DAP: variants seen among roughly 807,000 people sequenced by gnomAD.
DAP encodes death associated protein, also known as death-associated protein 1.
Under a neutral mutation model 13.8 loss-of-function variants are expected in DAP, and 8 were observed. That is an observed-to-expected ratio of 0.58 (90% confidence interval 0.34 to 1.05). The LOEUF (loss-of-function observed/expected upper bound fraction) is 1.05, where lower values mean the gene tolerates loss of function less well. Among genes scored for constraint, DAP ranks in the 50% least tolerant of loss-of-function variants. The pLI is 0.03. For synonymous variants in DAP, 47 were observed against 47.5 expected (o/e 0.99, Z 0.04); for missense variants, 106 against 133.2 (o/e 0.80, Z 1.01).
chr5:10,755,232 G>A (rs1261413373), intron 1 of DAP, among the ~76,000 whole-genome samples: 1 of 152,110 alleles, frequency 6.6e-6, no homozygotes, highest in Non-Finnish European at 1.5e-5. Context: ...AAGGCGCCAC[G>A]AGCCAAGGAA....
At chr5:10,718,963 G>C (rs1024910013) in intron 2 of DAP, among the ~76,000 whole-genome samples, 2 of 152,200 alleles carry the variant, frequency 1.3e-5, no homozygotes, top group African/African-American at 4.8e-5. Context: ...TATGCTGATT[G>C]GATCCAGTGA....
intron 2 of DAP, among the ~76,000 whole-genome samples, chr5:10,721,429 T>C (rs766310719): frequency 1.3e-5 from 2 of 152,162 alleles, no homozygotes; most frequent in Non-Finnish European, 2.9e-5. Context: ...TGGGCTCTTA[T>C]TACCTTAAGT....
chr5:10,706,995 A>G (rs1182042812), intron 2 of DAP, among the ~76,000 whole-genome samples: 1 of 152,120 alleles, frequency 6.6e-6, no homozygotes, highest in East Asian at 1.9e-4. Flanking sequence ...CAACTATAAG[A>G]GGGAAGGATG....
rs566405292 is a variant in DAP at position 10,753,781 on chromosome 5, C to T, written c.56-5510G>A. ...ACAAATGTCCCAAAAGCATCCACTG[C>T]AGGTACTGGAGTATGACTCACAAGT... is the stretch of plus-strand genomic sequence containing the variant. On this transcript the variant is annotated intron_variant, in intron 1 of 3. Coordinates refer to ENST00000230895, the MANE Select transcript of DAP (RefSeq NM_004394.3). Among the ~76,000 whole-genome samples, 3 of 152,358 alleles carry T rather than the reference C, an allele frequency of 2.0e-5. No homozygotes were observed. In the East Asian group the frequency reaches 5.8e-4, roughly 29 times the overall value.
chr5:10,726,037 C>T (rs1261835142), intron 2 of DAP, among the ~76,000 whole-genome samples: 1 of 152,236 alleles, frequency 6.6e-6, no homozygotes, highest in African/African-American at 2.4e-5. Context: ...ATCTTCTAAA[C>T]TTCTCATTCC....
chr5:10,732,318 A>C (rs1167851294), intron 2 of DAP, among the ~76,000 whole-genome samples: 2 of 152,234 alleles, frequency 1.3e-5, no homozygotes, highest in Non-Finnish European at 2.9e-5. Flanking sequence ...CCTCAAAAGC[A>C]ATCGATACCC....
At chr5:10,692,578 C>T (rs1043468842) in intron 2 of DAP, among the ~76,000 whole-genome samples, 8 of 152,182 alleles carry the variant, frequency 5.3e-5, no homozygotes, top group African/African-American at 1.9e-4. Context: ...CCCAGAACAT[C>T]CCTTTCCCAG....
chr5:10,717,099 T>A (rs1221672003), intron 2 of DAP, among the ~76,000 whole-genome samples: 2 of 152,218 alleles, frequency 1.3e-5, no homozygotes, highest in Non-Finnish European at 2.9e-5. Context: ...TTTGACCATA[T>A]GTGGAGAACC....
intron 1 of DAP, among the ~76,000 whole-genome samples, chr5:10,750,663 G>T (rs184199676): frequency 2.0e-5 from 3 of 152,050 alleles, no homozygotes; most frequent in African/African-American, 7.3e-5. Flanking sequence ...TTTCTTGTGC[G>T]TTCAATTCCT....
At position 10,701,615 on chromosome 5, in the gene DAP, G is replaced by C. The variant is rs1292536782; in HGVS notation, c.153-18044C>G. Reference sequence around the variant, plus strand: ...GTTGAGGGGGACGGGGGGCGGGGGGGCAGTGGGTGGTGCAACCAATCCCCT... The same window carrying C: ...GTTGAGGGGGACGGGGGGCGGGGGGCCAGTGGGTGGTGCAACCAATCCCCT... On this transcript the variant is annotated intron_variant, in intron 2 of 3. Transcript: ENST00000230895. 7.4e-5 allele frequency among the ~76,000 whole-genome samples: 10 copies of C among 135,294 alleles called. No homozygotes were observed. In the East Asian group the frequency reaches 2.7e-3, roughly 36 times the overall value. The allele number at this position is 135,294 out of a possible 152,430, so 88.8% of individuals were successfully genotyped here.
chr5:10,747,706 G>C (rs960626274), intron 2 of DAP, among the ~76,000 whole-genome samples: 2 of 152,232 alleles, frequency 1.3e-5, no homozygotes, highest in Non-Finnish European at 2.9e-5. Context: ...ACTCACAGGT[G>C]CAAGAATTTG....
intron 2 of DAP, among the ~76,000 whole-genome samples, chr5:10,737,458 G>C (rs147646498): frequency 6.6e-6 from 1 of 152,104 alleles, no homozygotes; most frequent in Non-Finnish European, 1.5e-5. Flanking sequence ...ACACATGGTA[G>C]AGAACAGGGA....
chr5:10,695,330 C>T (rs1276669752), intron 2 of DAP, among the ~76,000 whole-genome samples: 1 of 152,252 alleles, frequency 6.6e-6, no homozygotes, highest in African/African-American at 2.4e-5. Context: ...GCGAGGGCTG[C>T]TGGCACCTGG....
At chr5:10,718,274 C>T (rs1739046950) in intron 2 of DAP, among the ~76,000 whole-genome samples, 1 of 152,200 alleles carries the variant, frequency 6.6e-6, no homozygotes, top group Non-Finnish European at 1.5e-5. Flanking sequence ...AGCTTTAGCT[C>T]AGATCTGACT....
chr5:10,719,095 G>A (rs1259649337), intron 2 of DAP, among the ~76,000 whole-genome samples: 1 of 152,244 alleles, frequency 6.6e-6, no homozygotes, highest in East Asian at 1.9e-4. Context: ...GGGTCCAGTG[G>A]TGTACAGCCT....
intron 2 of DAP, among the ~76,000 whole-genome samples, chr5:10,694,133 G>A (rs2126640930): frequency 6.6e-6 from 1 of 152,246 alleles, no homozygotes. Flanking sequence ...AAATGCAGGG[G>A]AGGCTTCAAA....
intron 1 of DAP, among the ~76,000 whole-genome samples, chr5:10,749,434 G>C (rs1365667309): frequency 6.6e-6 from 1 of 152,100 alleles, no homozygotes. Context: ...CAGTGTGTGG[G>C]TTCCAATTCT....
At position 10,679,323 on chromosome 5, in the gene DAP, G is replaced by C. The variant is rs1440280146; in HGVS notation, c.*1733C>G. On this transcript the variant is annotated 3_prime_UTR_variant, in exon 4 of 4. Coordinates refer to ENST00000230895, the MANE Select transcript of DAP (RefSeq NM_004394.3). ...TTTAGGCAAACATTTTGGATTTAATGATCTAAAGCTCACAGATGCATGCCA... is the reference window on the plus strand; with the variant it reads ...TTTAGGCAAACATTTTGGATTTAATCATCTAAAGCTCACAGATGCATGCCA... 1 of 152,348 alleles carries C rather than the reference G, an allele frequency of 6.6e-6. No individual in the cohort carries two copies. The highest frequency in any genetic ancestry group is 1.5e-5 in the Non-Finnish European group (1 of 68,034). The allele number at this position is 152,348 out of a possible 1,614,324, so 9.4% of individuals were successfully genotyped here. A position where few individuals can be genotyped will look rare whatever the true frequency, so the allele number is the denominator to read the frequency against.
intron 2 of DAP, among the ~76,000 whole-genome samples, chr5:10,703,985 C>A (rs887051144): frequency 6.6e-6 from 1 of 152,346 alleles, no homozygotes; most frequent in South Asian, 2.1e-4. Flanking sequence ...AGCAGCATCC[C>A]GAGGGCTGGG....
Sources: gnomAD v4.1 joint callset for allele counts (sites outside exome capture counted in the v4.1 genomes callset) on GRCh38, gnomAD v4.1.1 for gene constraint, MANE v1.5 for transcripts, NCBI Gene and HGNC (gene_info 2026-07-23, HGNC 2026-07-21) for gene names.